RINL: variants seen among roughly 807,000 people sequenced by gnomAD.
The protein encoded by RINL is ras and Rab interactor-like protein.
Under a neutral mutation model 58.1 loss-of-function variants are expected in RINL, and 39 were observed. The observed-to-expected ratio is 0.67, with a 90% CI of 0.52 to 0.88. The LOEUF is 0.88. RINL is among the 40% of genes least tolerant of loss of function. RINL has a pLI of 0.00. For missense variants in RINL, 711 were observed against 749.2 expected, an observed-to-expected ratio of 0.95 and a Z score of 0.60; for synonymous variants, 286 against 323.1, an observed-to-expected ratio of 0.89 and a Z score of 1.23.
Position 38,870,946 on chromosome 19 carries a change from C to G in RINL, c.648G>C (p.Pro216=). The part of the protein sequence containing the change: ...APHGVSWVKG[P]LSPEVDHPGP... ...CAGGATGGTCCACTTCCGGGCTGAG[C>G]GGGCCTTTCACCCAGGAGACCCCGT... Residue 216 remains proline (P), a synonymous_variant, in exon 8 of 12, where the codon CCG becomes CCC. Coordinates refer to ENST00000591812, the MANE Select transcript of RINL (RefSeq NM_001195833.2). The surrounding 1 kb of genome is among the most constrained non-coding windows in gnomAD (Gnocchi z 5.8). The G allele has an allele frequency of 6.2e-7, 1 of 1,605,122 alleles. No individual in the cohort carries two copies. The highest frequency in any genetic ancestry group is 8.5e-7 in the Non-Finnish European group (1 of 1,179,416).
rs770580434 is a variant in RINL, at chr19:38,876,351, C to T, written c.190G>A (p.Val64Met). 5.2e-6 allele frequency: 8 copies of T among 1,536,128 alleles called. No homozygotes were observed. Among genetic ancestry groups the T allele is most frequent in the Non-Finnish European group, 7.0e-6 (8 of 1,146,886 alleles). Reference protein sequence around the residue: ...ELDTQDAEALVGLWPLGSFLV... With the variant: ...ELDTQDAEALMGLWPLGSFLV... ...CTCACCCCTAGTGGCCACAGCCCCACAAGGGCCTCCGCATCCTGGGTATCC... is the reference window on the plus strand; with the variant it reads ...CTCACCCCTAGTGGCCACAGCCCCATAAGGGCCTCCGCATCCTGGGTATCC... Residue 64 changes from valine (V) to methionine (M), a missense_variant, in exon 3 of 12, where the codon GTG becomes ATG. By Grantham distance (21) the Val-to-Met change is conservative. Coordinates refer to ENST00000591812, the MANE Select transcript of RINL (RefSeq NM_001195833.2).
rs199804710 is a variant in RINL, at chr19:38,871,619, G to C, written c.451+28C>G. On this transcript the variant is annotated intron_variant, in intron 6 of 11. Transcript: ENST00000591812. ...GAGCAAGGAAATTGGCAGGTTGGCT[G>C]TGCCCTCTTTAGAGAACCGTGCCTC... The C allele has an allele frequency of 1.6e-4, 257 of 1,606,008 alleles. 1 individual carries two copies. The highest frequency in any genetic ancestry group is 6.5e-4 in the Admixed American group (39 of 59,770).
chr19:38,875,460 G>A (rs187227051), intron 3 of RINL, among the ~76,000 whole-genome samples: 2 of 152,076 alleles, frequency 1.3e-5, no homozygotes, highest in African/African-American at 4.8e-5. Flanking sequence ...TGGATCACCT[G>A]ACGTCAGGAG....
Position 38,870,016 on chromosome 19 carries a change from CG to C in RINL, c.1268del (p.Pro423ArgfsTer37). 1.3e-6 allele frequency: 2 copies of C among 1,580,552 alleles called. No individual in the cohort carries two copies. Among genetic ancestry groups the C allele is most frequent in the East Asian group, 4.7e-5 (2 of 42,354 alleles). ...CCAAGAGGAGCGCCACCTTGCGGCG[CG>C]GGGCGCAGGCAGCGTGGAGGTGCGC... ...RLAHLHAACA[P>X]RRKVALLLEV... On this transcript the variant is annotated frameshift_variant, in exon 9 of 12. Coordinates refer to ENST00000591812, the MANE Select transcript of RINL (RefSeq NM_001195833.2). LOFTEE classifies it high-confidence loss of function. The surrounding 1 kb of genome is among the most constrained non-coding windows in gnomAD (Gnocchi z 5.8).
At position 38,868,985 on chromosome 19, in the gene RINL, A is replaced by C; in HGVS notation, c.*119T>G. On this transcript the variant is annotated 3_prime_UTR_variant, in exon 12 of 12. Coordinates refer to ENST00000591812, the MANE Select transcript of RINL (RefSeq NM_001195833.2). ...ATTTTTGTTTTTTTTTTTTTTTGGT[A>C]GATGGGGGTCCCACTGTTTTGCCCA... 1.5e-6 allele frequency: 1 copy of C among 682,528 alleles called. No homozygotes were observed. Among genetic ancestry groups the C allele is most frequent in the Non-Finnish European group, 2.2e-6 (1 of 451,246 alleles). 42.3% of individuals were successfully genotyped at this position (682,528 alleles called of 1,614,324 possible). A position where few individuals can be genotyped will look rare whatever the true frequency, so the allele number is the denominator to read the frequency against.
In RINL at chr19:38,869,237, G is replaced by T; in HGVS notation, c.1638+10C>A. On this transcript the variant is annotated intron_variant, in intron 11 of 11. Coordinates refer to ENST00000591812, the MANE Select transcript of RINL (RefSeq NM_001195833.2). This position sits in a 1 kb window ranked among gnomAD's most constrained non-coding sequence, Gnocchi z 5.7. Reference sequence around the variant, plus strand: ...CCCTCCCTTCTACTTGCAGCCAGATGGGCAGTCACCTGGGCTCTGGGATGA... The same window carrying T: ...CCCTCCCTTCTACTTGCAGCCAGATTGGCAGTCACCTGGGCTCTGGGATGA... 6.2e-7 allele frequency: 1 copy of T among 1,614,150 alleles called. No individual in the cohort carries two copies. The highest frequency in any genetic ancestry group is 8.5e-7 in the Non-Finnish European group (1 of 1,180,018).
intron 3 of RINL, 98 bp downstream of exon 3, chr19:38,876,233 C>G (rs1972921472): frequency 8.2e-7 from 1 of 1,222,842 alleles, no homozygotes; most frequent in African/African-American, 1.5e-5. Context: ...CAATAAATAG[C>G]CTTTTTGGTT....
chr19:38,869,169 G>C lies in RINL; in HGVS notation c.1639-3C>G, dbSNP rs1972737859. On this transcript the variant is annotated splice_polypyrimidine_tract_variant and splice_region_variant and intron_variant, in intron 11 of 11. Transcript: ENST00000591812. This position sits in a 1 kb window ranked among gnomAD's most constrained non-coding sequence, Gnocchi z 5.7. The stretch of plus-strand genomic sequence containing the variant: ...GGCTCCTTAAAGGGCAGGTTGGCCT[G>C]TGGGGAGAGGTGGGAGCTGGGTCAG... 1 of 1,614,154 alleles carries C rather than the reference G, an allele frequency of 6.2e-7. No homozygotes were observed. Among genetic ancestry groups the C allele is most frequent in the Non-Finnish European group, 8.5e-7 (1 of 1,180,004 alleles).
rs555502577 is a variant in RINL, at chr19:38,871,257, T to C, written c.452-30A>G. The C allele has an allele frequency of 5.5e-5, 89 of 1,613,414 alleles. No homozygotes were observed. The Admixed American group carries it at 1.4e-3, about 26-fold the overall frequency. On this transcript the variant is annotated intron_variant, in intron 6 of 11. Transcript: ENST00000591812. Reference sequence around the variant, plus strand: ...AGCCAGCAGAAGTGAGAAGGTGTCCTAGGTATCCAAGGGACCAACCCTGGT... The same window carrying C: ...AGCCAGCAGAAGTGAGAAGGTGTCCCAGGTATCCAAGGGACCAACCCTGGT...
chr19:38,871,265 C>T, intron 6 of RINL, 38 bp from the exon 7 acceptor site: 1 of 1,612,468 alleles, frequency 6.2e-7, no homozygotes, highest in East Asian at 2.2e-5. Context: ...CCTAGGTATC[C>T]AAGGGACCAA....
Position 38,869,801 on chromosome 19 carries a change from C to A in RINL, c.1343-97G>T. ...CCCAGGACCACGAGGGCTGGCTGCCCCTCCACCTTGTCGGGCATGACAGCG... is the reference window on the plus strand; with the variant it reads ...CCCAGGACCACGAGGGCTGGCTGCCACTCCACCTTGTCGGGCATGACAGCG... On this transcript the variant is annotated intron_variant, in intron 9 of 11. Transcript: ENST00000591812. The surrounding 1 kb of genome is among the most constrained non-coding windows in gnomAD (Gnocchi z 5.7). 6.4e-7 allele frequency: 1 copy of A among 1,569,220 alleles called. No individual in the cohort carries two copies. The highest frequency in any genetic ancestry group is 1.1e-5 in the South Asian group (1 of 87,910).
rs113728915 is a variant in RINL, at chr19:38,869,957, C to G, written c.1328G>C (p.Arg443Pro). 5 of 1,597,686 alleles carry G rather than the reference C, an allele frequency of 3.1e-6. No individual in the cohort carries two copies. Among genetic ancestry groups the G allele is most frequent in the South Asian group, 2.3e-5 (2 of 88,802 alleles). Residue 443 changes from arginine to proline, a missense_variant, in exon 9 of 12, where the codon CGA becomes CCA. Coordinates refer to ENST00000591812, the MANE Select transcript of RINL (RefSeq NM_001195833.2). This position sits in a 1 kb window ranked among gnomAD's most constrained non-coding sequence, Gnocchi z 5.7. ...VCRDVYAGLA[R>P]GENQDPLGAD... is the part of the protein sequence containing the mutation. ...CCCTCCCTTACCTTGGTTCTCGCCT[C>G]GAGCCAGGCCCGCATAGACATCTCT...
Position 38,871,791 on chromosome 19 carries a change from C to T in RINL, c.386+7G>A, listed in dbSNP as rs748935705. 2 of 1,614,042 alleles carry T rather than the reference C, an allele frequency of 1.2e-6. No homozygotes were observed. The highest frequency in any genetic ancestry group is 2.2e-5 in the South Asian group (2 of 91,080). On this transcript the variant is annotated splice_region_variant and intron_variant, in intron 5 of 11. Transcript: ENST00000591812. The stretch of plus-strand genomic sequence containing the variant: ...CCCCCTTAGTGCCTCAGATGGGTGA[C>T]CTGTACCTGCTGGCTGATAGAAAGG...
At position 38,870,276 on chromosome 19, in the gene RINL, G is replaced by T; in HGVS notation, c.1025-16C>A. 1.4e-6 allele frequency: 2 copies of T among 1,381,574 alleles called. No individual in the cohort carries two copies. Among genetic ancestry groups the T allele is most frequent in the South Asian group, 1.6e-5 (1 of 61,644 alleles). The allele number at this position is 1,381,574 out of a possible 1,614,324, so 85.6% of individuals were successfully genotyped here. A position where few individuals can be genotyped will look rare whatever the true frequency, so the allele number is the denominator to read the frequency against. The stretch of plus-strand genomic sequence containing the variant: ...AGCGCGGGGCCTGCGGGGTGTGGGG[G>T]ACGGGTGAGCACAGGACCGCCAAGT... On this transcript the variant is annotated splice_polypyrimidine_tract_variant and intron_variant, in intron 8 of 11. Coordinates refer to ENST00000591812, the MANE Select transcript of RINL (RefSeq NM_001195833.2). This position sits in a 1 kb window ranked among gnomAD's most constrained non-coding sequence, Gnocchi z 5.8.
chr19:38,870,937 C>G lies in RINL; in HGVS notation c.657G>C (p.Pro219=). The stretch of plus-strand genomic sequence containing the variant: ...GAGCCGGCCCAGGATGGTCCACTTC[C>G]GGGCTGAGCGGGCCTTTCACCCAGG... ...GVSWVKGPLS[P]EVDHPGPALA... Residue 219 remains proline (P), a synonymous_variant, in exon 8 of 12, where the codon CCG becomes CCC. Coordinates refer to ENST00000591812, the MANE Select transcript of RINL (RefSeq NM_001195833.2). This position sits in a 1 kb window ranked among gnomAD's most constrained non-coding sequence, Gnocchi z 5.8. The G allele has an allele frequency of 6.2e-7, 1 of 1,605,266 alleles. No individual in the cohort carries two copies. The highest frequency in any genetic ancestry group is 8.5e-7 in the Non-Finnish European group (1 of 1,179,646).
chr19:38,870,909 C>A lies in RINL; in HGVS notation c.685G>T (p.Ala229Ser). 1 of 1,604,756 alleles carries A rather than the reference C, an allele frequency of 6.2e-7. No homozygotes were observed. Residue 229 changes from alanine (A) to serine (S), a missense_variant, in exon 8 of 12, where the codon GCC (alanine) becomes TCC (serine). Transcript: ENST00000591812. The surrounding 1 kb of genome is among the most constrained non-coding windows in gnomAD (Gnocchi z 5.8). Reference protein sequence around the residue: ...PEVDHPGPALASLLEEEEEDL... With the variant: ...PEVDHPGPALSSLLEEEEEDL... Reference sequence around the variant, plus strand: ...TCCTCCTCCTCTTCCAGTAGGCTGGCGAGAGCCGGCCCAGGATGGTCCACT... The same window carrying A: ...TCCTCCTCCTCTTCCAGTAGGCTGGAGAGAGCCGGCCCAGGATGGTCCACT...
chr19:38,874,354 C>T (rs992300982), intron 3 of RINL, among the ~76,000 whole-genome samples: 18 of 152,106 alleles, frequency 1.2e-4, no homozygotes, highest in African/African-American at 4.3e-4. Flanking sequence ...CCCACTGCAA[C>T]CTCCGCCTCC....
Position 38,869,995 on chromosome 19 carries a change from G to C in RINL, c.1290C>G (p.Leu430=). The C allele has an allele frequency of 6.3e-7, 1 of 1,592,566 alleles. No individual in the cohort carries two copies. Among genetic ancestry groups the C allele is most frequent in the Non-Finnish European group, 8.5e-7 (1 of 1,171,292 alleles). The change falls in exon 9 of 12, where the codon CTC becomes CTG. Residue 430 remains leucine (L), a synonymous_variant. Transcript: ENST00000591812. The surrounding 1 kb of genome is among the most constrained non-coding windows in gnomAD (Gnocchi z 5.7). Reference sequence around the variant, plus strand: ...CATAGACATCTCTGCACACCTCCAAGAGGAGCGCCACCTTGCGGCGCGGGG... The same window carrying C: ...CATAGACATCTCTGCACACCTCCAACAGGAGCGCCACCTTGCGGCGCGGGG... ...ACAPRRKVAL[L]LEVCRDVYAG...
Position 38,871,885 on chromosome 19 carries a change from GGAA to G in RINL, c.314-18_314-16del, listed in dbSNP as rs1411255643. ...CAGGGACACACCTGTGGTGGGGGGA[GGAA>G]GAAGGAGAAAGTAAACTTGAGTGGT... On this transcript the variant is annotated splice_polypyrimidine_tract_variant and intron_variant, in intron 4 of 11. Transcript: ENST00000591812. 1.2e-6 allele frequency: 2 copies of G among 1,608,182 alleles called. No homozygotes were observed. The highest frequency in any genetic ancestry group is 1.7e-6 in the Non-Finnish European group (2 of 1,175,110).
Sources: allele counts gnomAD v4.1 joint callset (sites outside exome capture counted in the v4.1 genomes callset), GRCh38; gene constraint gnomAD v4.1.1; non-coding constraint Gnocchi (gnomAD v3.1); transcripts MANE v1.5; gene names NCBI Gene and HGNC (gene_info 2026-07-23, HGNC 2026-07-21).